HERC1: variants seen among roughly 807,000 people sequenced by gnomAD.
HERC1 encodes the protein probable E3 ubiquitin-protein ligase HERC1.
A neutral mutation model predicts 554.3 loss-of-function variants in HERC1; 160 were observed. The observed-to-expected ratio is 0.29, with a 90% CI of 0.25 to 0.33. The LOEUF is 0.33. Among genes scored for constraint, HERC1 ranks in the 10% least tolerant of loss-of-function variants. The pLI, the probability that HERC1 is intolerant of heterozygous loss-of-function variation, is 1.00. For missense variants in HERC1, 4,919 were observed against 5,918.5 expected, an observed-to-expected ratio of 0.83 and a Z score of 5.54; for synonymous variants, 2,175 against 2,131.7, an observed-to-expected ratio of 1.02 and a Z score of -0.56.
In HERC1 at chr15:63,651,360, C is replaced by T. The variant is rs1263730326; in HGVS notation, c.10439G>A (p.Ser3480Asn). Residue 3480 changes from serine to asparagine, a missense_variant, in exon 53 of 78, where the codon AGC becomes AAC. Ser to Asn is a conservative substitution (Grantham distance 46). This residue lies in a region of HERC1 where 1,963 missense variants were observed against 2,228.6 expected (regional missense o/e 0.88). Coordinates refer to ENST00000443617, the MANE Select transcript of HERC1 (RefSeq NM_003922.4). ...ACTTGGATCACTGGGTGATCCCAGG[C>T]TTTCCTCAGCATCCCCTTCCCTAGA... ...FNRLEGDAEE[S>N]LGSPSDPSFS... The T allele has an allele frequency of 1.2e-6, 2 of 1,613,418 alleles. No homozygotes were observed. Among genetic ancestry groups the T allele is most frequent in the Non-Finnish European group, 1.7e-6 (2 of 1,179,576 alleles).
Position 63,658,424 on chromosome 15 carries a change from A to G in HERC1, c.9599+120T>C, listed in dbSNP as rs183255288. 4.4e-5 allele frequency: 32 copies of G among 734,600 alleles called. No homozygotes were observed. In the Admixed American group the frequency reaches 1.1e-3, roughly 24 times the overall value. 45.5% of individuals were successfully genotyped at this position (734,600 alleles called of 1,614,324 possible). On this transcript the variant is annotated intron_variant, in intron 48 of 77. Coordinates refer to ENST00000443617, the MANE Select transcript of HERC1 (RefSeq NM_003922.4). ...ACAATGACTACGTCTAACATCTTTC[A>G]TTCAACAGTACATATTCAAGCTTCT...
chr15:63,739,530 C>T (rs1037645969), intron 12 of HERC1, among the ~76,000 whole-genome samples: 9 of 151,818 alleles, frequency 5.9e-5, no homozygotes, highest in African/African-American at 2.2e-4. Flanking sequence ...GCTTACTCTG[C>T]ACATTACATA....
intron 54 of HERC1, among the ~76,000 whole-genome samples, chr15:63,648,761 G>A (rs763352649): frequency 2.0e-5 from 3 of 152,176 alleles, no homozygotes; most frequent in Non-Finnish European, 4.4e-5. Flanking sequence ...GAGTAGACAG[G>A]AGAAAGACTT....
intron 7 of HERC1, among the ~76,000 whole-genome samples, 193 bp from the exon 8 acceptor site, chr15:63,753,278 C>A (rs1397241463): frequency 1.3e-5 from 2 of 152,018 alleles, no homozygotes; most frequent in Non-Finnish European, 2.9e-5. Flanking sequence ...CCACTGATAG[C>A]CTTTTATATC....
intron 3 of HERC1, among the ~76,000 whole-genome samples, chr15:63,759,589 G>C (rs2075541466): frequency 6.6e-6 from 1 of 152,070 alleles, no homozygotes; most frequent in South Asian, 2.1e-4. Context: ...CCATCTATTT[G>C]TTTACTATAT....
intron 74 of HERC1, among the ~76,000 whole-genome samples, chr15:63,619,079 T>C (rs2067952708): frequency 6.6e-6 from 1 of 152,208 alleles, no homozygotes; most frequent in Non-Finnish European, 1.5e-5. Flanking sequence ...GTGCCAGTTT[T>C]CAAAGGGAAT....
At chr15:63,804,540 C>T (rs1292084597) in intron 1 of HERC1, among the ~76,000 whole-genome samples, 3 of 151,358 alleles carry the variant, frequency 2.0e-5, no homozygotes, top group Admixed American at 6.6e-5. Context: ...GAGCCGAGAT[C>T]GTACCATTGC....
At chr15:63,682,832 T>C (rs1595963878) in intron 34 of HERC1, among the ~76,000 whole-genome samples, 1 of 150,764 alleles carries the variant, frequency 6.6e-6, no homozygotes. Context: ...GGATGTATGA[T>C]TAAAAAAAAA....
intron 74 of HERC1, among the ~76,000 whole-genome samples, chr15:63,618,907 G>C (rs1309819037): frequency 6.6e-6 from 1 of 152,090 alleles, no homozygotes; most frequent in East Asian, 1.9e-4. Flanking sequence ...TGAGATGATG[G>C]GGTTTTCTAG....
At chr15:63,669,858 T>G (rs1180641102) in intron 39 of HERC1, among the ~76,000 whole-genome samples, 160 bp from the exon 40 acceptor site, 2 of 152,234 alleles carry the variant, frequency 1.3e-5, no homozygotes, top group Non-Finnish European at 2.9e-5. Context: ...TAAAAATGAT[T>G]ATCTCATGCA....
At chr15:63,642,300 T>C (rs2069106014) in intron 59 of HERC1, among the ~76,000 whole-genome samples, 1 of 152,346 alleles carries the variant, frequency 6.6e-6, no homozygotes, top group Non-Finnish European at 1.5e-5. Context: ...TTAAATGTCT[T>C]TGCAATGCTT....
rs1437177421 is a variant in HERC1, at chr15:63,677,571, A to C, written c.7070+274T>G. On this transcript the variant is annotated intron_variant, in intron 37 of 77. Coordinates refer to ENST00000443617, the MANE Select transcript of HERC1 (RefSeq NM_003922.4). This position sits in a 1 kb window ranked among gnomAD's most constrained non-coding sequence, Gnocchi z 4.4. Reference sequence around the variant, plus strand: ...GAAAATTGGAAGAAGAATCCCAGTTAAACATATAAACTAAGGAGCTTACCA... The same window carrying C: ...GAAAATTGGAAGAAGAATCCCAGTTCAACATATAAACTAAGGAGCTTACCA... Among the ~76,000 whole-genome samples, 1 of 152,244 alleles carries C rather than the reference A, an allele frequency of 6.6e-6. No individual in the cohort carries two copies. The highest frequency in any genetic ancestry group is 1.9e-4 in the East Asian group (1 of 5,202).
intron 25 of HERC1, among the ~76,000 whole-genome samples, chr15:63,704,206 T>A (rs2072881788): frequency 6.6e-6 from 1 of 152,230 alleles, no homozygotes; most frequent in Non-Finnish European, 1.5e-5. Context: ...AATATTTTTG[T>A]AAAATCTCTT....
intron 27 of HERC1, among the ~76,000 whole-genome samples, chr15:63,695,166 G>A (rs2072330091): frequency 6.6e-6 from 1 of 151,792 alleles, no homozygotes; most frequent in Non-Finnish European, 1.5e-5. Context: ...CTCCCAAGTA[G>A]CTGGGACTAC....
intron 37 of HERC1, among the ~76,000 whole-genome samples, chr15:63,675,756 T>C (rs1181419857): frequency 6.6e-6 from 1 of 152,178 alleles, no homozygotes; most frequent in Non-Finnish European, 1.5e-5. Context: ...GATATAATTA[T>C]ACAAAATGTA....
At position 63,690,586 on chromosome 15, in the gene HERC1, C is replaced by T; in HGVS notation, c.5892G>A (p.Val1964=). Residue 1964 remains valine (V), a synonymous_variant, in exon 32 of 78, where the codon GTG becomes GTA. Transcript: ENST00000443617. ...RLLALHVLEA[V]LPACESGVED... ...CTACACCAGATTCACAAGCTGGCAGCACAGCTTCAAGGACATGAAGTGCAA... is the reference window on the plus strand; with the variant it reads ...CTACACCAGATTCACAAGCTGGCAGTACAGCTTCAAGGACATGAAGTGCAA... 6.2e-7 allele frequency: 1 copy of T among 1,613,458 alleles called. No homozygotes were observed. Among genetic ancestry groups the T allele is most frequent in the Non-Finnish European group, 8.5e-7 (1 of 1,179,568 alleles).
At chr15:63,771,754 C>T (rs1378544163) in intron 2 of HERC1, among the ~76,000 whole-genome samples, 2 of 151,896 alleles carry the variant, frequency 1.3e-5, no homozygotes, top group African/African-American at 4.8e-5. Flanking sequence ...TTTTTAGAGG[C>T]ATCTCTGCCC....
chr15:63,750,747 T>G (rs553741998), intron 8 of HERC1, among the ~76,000 whole-genome samples: 1 of 152,070 alleles, frequency 6.6e-6, no homozygotes, highest in East Asian at 1.9e-4. Context: ...GCCTGGACAA[T>G]GTGGCAAGAC....
At chr15:63,625,855 G>A (rs1006966325) in intron 71 of HERC1, 130 bp downstream of exon 71, 9 of 898,618 alleles carry the variant, frequency 1.0e-5, no homozygotes, top group African/African-American at 5.0e-5. Flanking sequence ...GGGAATAGAA[G>A]TGTTATCTTA....
Sources: gnomAD v4.1 joint callset for allele counts (sites outside exome capture counted in the v4.1 genomes callset) on GRCh38, gnomAD v4.1.1 for gene constraint, gnomAD v4.1.1 regional missense constraint, Gnocchi (gnomAD v3.1) non-coding constraint, MANE v1.5 for transcripts, NCBI Gene and HGNC (gene_info 2026-07-23, HGNC 2026-07-21) for gene names.